The following CNOT6 variants were observed in gnomAD, a reference collection of about 807,000 sequenced individuals.
CNOT6 encodes CCR4-NOT transcription complex subunit 6.
A neutral mutation model predicts 61.2 loss-of-function variants in CNOT6; 12 were observed. That is an observed-to-expected ratio of 0.20 (90% CI 0.13 to 0.32). CNOT6 has a LOEUF of 0.32. CNOT6 is among the 10% of genes least tolerant of loss of function. CNOT6 has a pLI of 1.00. For missense variants in CNOT6, 405 were observed against 663.9 expected, an observed-to-expected ratio of 0.61 and a Z score of 4.28; for synonymous variants, 225 against 240.6, an observed-to-expected ratio of 0.94 and a Z score of 0.60.
Position 180,576,676 on chromosome 5 carries a change from G to A in CNOT6, c.*2476G>A, listed in dbSNP as rs1267611561. The A allele has an allele frequency of 6.6e-6, 1 of 152,146 alleles. No individual in the cohort carries two copies. Among genetic ancestry groups the A allele is most frequent in the Non-Finnish European group, 1.5e-5 (1 of 68,028 alleles). 9.4% of individuals were successfully genotyped at this position (152,146 alleles called of 1,614,324 possible). ...CTTCAAAAGAGGAAGAACTATTTGG[G>A]GTCTGTAGGTAATGAACAGTCACAC... is the stretch of plus-strand genomic sequence containing the variant. On this transcript the variant is annotated 3_prime_UTR_variant, in exon 12 of 12. Transcript: ENST00000261951.
chr5:180,567,581 A>G (rs77344991), intron 8 of CNOT6, among the ~76,000 whole-genome samples: 2,745 of 152,348 alleles, frequency 0.018, 71 homozygotes, highest in African/African-American at 0.062. Flanking sequence ...TACAAGGTAG[A>G]ATATTCCAAC....
chr5:180,544,476 G>A (rs1759207222), intron 2 of CNOT6, among the ~76,000 whole-genome samples: 1 of 152,128 alleles, frequency 6.6e-6, no homozygotes, highest in South Asian at 2.1e-4. Flanking sequence ...GTGTGTGTAT[G>A]GTAGGCATCC....
intron 1 of CNOT6, among the ~76,000 whole-genome samples, chr5:180,500,330 TCACACTC>T (rs1329295470): frequency 6.6e-6 from 1 of 152,164 alleles, no homozygotes; most frequent in African/African-American, 2.4e-5. Flanking sequence ...CGGTTTGGTC[TCACACTC>T]CTGGGCTCAA....
intron 1 of CNOT6, among the ~76,000 whole-genome samples, chr5:180,521,469 A>C (rs749866409): frequency 6.6e-6 from 1 of 152,172 alleles, no homozygotes; most frequent in Admixed American, 6.6e-5. Flanking sequence ...TGCAATATAC[A>C]TATCTTTTGG....
chr5:180,530,812 A>G (rs1758322989), intron 2 of CNOT6, among the ~76,000 whole-genome samples: 1 of 152,150 alleles, frequency 6.6e-6, no homozygotes, highest in Non-Finnish European at 1.5e-5. Context: ...AACAAAGCAC[A>G]TCTTGCACCG....
At chr5:180,512,641 G>T (rs1190715893) in intron 1 of CNOT6, among the ~76,000 whole-genome samples, 1 of 151,020 alleles carries the variant, frequency 6.6e-6, no homozygotes, top group African/African-American at 2.5e-5. Context: ...TCTGTTGCCA[G>T]GCTGGAGCGC....
chr5:180,532,838 T>TAA (rs1393411848), intron 2 of CNOT6, among the ~76,000 whole-genome samples: 1 of 152,180 alleles, frequency 6.6e-6, no homozygotes, highest in East Asian at 1.9e-4. Context: ...AACATCTACT[T>TAA]ACGTTTACCA....
intron 1 of CNOT6, among the ~76,000 whole-genome samples, chr5:180,521,725 C>T (rs1473324722): frequency 6.6e-6 from 1 of 152,136 alleles, no homozygotes; most frequent in Non-Finnish European, 1.5e-5. Flanking sequence ...CTAATAGTCC[C>T]TAGTTTTATT....
At chr5:180,563,150 A>AGG (rs1263654974) in intron 4 of CNOT6, among the ~76,000 whole-genome samples, 1 of 152,192 alleles carries the variant, frequency 6.6e-6, no homozygotes, top group East Asian at 1.9e-4. Context: ...CTCACAGCAC[A>AGG]GGGTGTCTCA....
chr5:180,553,919 T>C (rs1341410685), intron 4 of CNOT6, among the ~76,000 whole-genome samples: 1 of 152,222 alleles, frequency 6.6e-6, no homozygotes, highest in African/African-American at 2.4e-5. Flanking sequence ...GGACTTGTGA[T>C]TATAGGGCCA....
At chr5:180,549,737 T>C (rs1168678982) in intron 2 of CNOT6, among the ~76,000 whole-genome samples, 194 bp from the exon 3 acceptor site, 1 of 152,178 alleles carries the variant, frequency 6.6e-6, no homozygotes, top group African/African-American at 2.4e-5. Flanking sequence ...TATTTTAACC[T>C]GCTAAGTGAG....
chr5:180,529,223 G>C (rs1178824550), intron 1 of CNOT6, 52 bp from the exon 2 acceptor site: 1 of 960,122 alleles, frequency 1.0e-6, no homozygotes, highest in African/African-American at 1.6e-5. Context: ...AGGTGTTGTG[G>C]CTTTTGTTTA....
chr5:180,513,991 C>T (rs926806151), intron 1 of CNOT6, among the ~76,000 whole-genome samples: 8 of 151,890 alleles, frequency 5.3e-5, no homozygotes, highest in East Asian at 1.9e-4. Flanking sequence ...CGTGAGCCAC[C>T]GGGCCCAGCC....
chr5:180,504,194 A>G (rs74984383), intron 1 of CNOT6, among the ~76,000 whole-genome samples: 2 of 152,240 alleles, frequency 1.3e-5, no homozygotes, highest in African/African-American at 2.4e-5. Flanking sequence ...GCAGTCTGTT[A>G]TACATCTGTA....
intron 1 of CNOT6, among the ~76,000 whole-genome samples, chr5:180,500,788 A>G (rs913007463): frequency 3.9e-5 from 6 of 152,312 alleles, no homozygotes; most frequent in South Asian, 4.1e-4. Flanking sequence ...GAGAAGGACA[A>G]ATGAACCAAT....
At chr5:180,545,674 C>T (rs1015169768) in intron 2 of CNOT6, among the ~76,000 whole-genome samples, 4 of 152,078 alleles carry the variant, frequency 2.6e-5, no homozygotes, top group African/African-American at 7.2e-5. Context: ...ATAAAGCTGC[C>T]GTGAACATTC....
intron 2 of CNOT6, among the ~76,000 whole-genome samples, chr5:180,536,316 T>G (rs13161254): frequency 0.18 from 26,677 of 151,820 alleles, 2,441 homozygotes; most frequent in Non-Finnish European, 0.19. Context: ...GTTTTTTTCA[T>G]GTTGAGTTGA....
At chr5:180,521,621 T>C (rs1440773525) in intron 1 of CNOT6, among the ~76,000 whole-genome samples, 1 of 152,226 alleles carries the variant, frequency 6.6e-6, no homozygotes, top group Non-Finnish European at 1.5e-5. Context: ...TACATGGGTA[T>C]ATTGTGTGAC....
chr5:180,521,914 C>T (rs765969494), intron 1 of CNOT6, among the ~76,000 whole-genome samples: 9 of 152,148 alleles, frequency 5.9e-5, no homozygotes, highest in Non-Finnish European at 1.0e-4. Flanking sequence ...TGTATATGTG[C>T]CACATTTTCT....
Sources: allele counts gnomAD v4.1 joint callset (sites outside exome capture counted in the v4.1 genomes callset), GRCh38; gene constraint gnomAD v4.1.1; transcripts MANE v1.5; gene names NCBI Gene and HGNC (gene_info 2026-07-23, HGNC 2026-07-21).